The following FSTL5 variants were observed in gnomAD, a reference collection of about 807,000 sequenced individuals.
FSTL5 encodes follistatin-related protein 5.
Under a neutral mutation model 89.1 loss-of-function variants are expected in FSTL5, and 62 were observed. The ratio of observed to expected loss-of-function variants is 0.70; its 90% CI spans 0.57 to 0.86. FSTL5 has a LOEUF of 0.86. FSTL5 is among the 40% of genes least tolerant of loss of function. FSTL5 has a pLI of 0.00. For synonymous variants in FSTL5, 383 were observed against 346.2 expected, an observed-to-expected ratio of 1.11 and a Z score of -1.18; for missense variants, 1,057 against 1,001.6, an observed-to-expected ratio of 1.06 and a Z score of -0.75.
chr4:162,146,459 T>C (rs1323022947), intron 1 of FSTL5, among the ~76,000 whole-genome samples: 1 of 142,088 alleles, frequency 7.0e-6, no homozygotes, highest in Non-Finnish European at 1.6e-5. Flanking sequence ...TTAAATTTTA[T>C]AATAGGCTTT....
At chr4:161,775,186 T>C (rs1189065252) in intron 5 of FSTL5, among the ~76,000 whole-genome samples, 1 of 152,094 alleles carries the variant, frequency 6.6e-6, no homozygotes. Flanking sequence ...CAAACCTATA[T>C]TCACTGTTAA....
intron 10 of FSTL5, among the ~76,000 whole-genome samples, chr4:161,530,817 A>G (rs536881936): frequency 2.8e-4 from 43 of 152,258 alleles, no homozygotes; most frequent in African/African-American, 1.0e-3. Flanking sequence ...GTAGAAGCCT[A>G]TGTTCACATC....
intron 4 of FSTL5, among the ~76,000 whole-genome samples, chr4:161,836,140 TCATGTCCTTTGTAGGGA>T (rs1470033049): frequency 9.9e-5 from 15 of 151,970 alleles, no homozygotes; most frequent in Admixed American, 9.8e-4. Context: ...AATGATGAGC[TCATGTCCTTTGTAGGGA>T]CATGGATGAA....
chr4:161,811,239 G>A (rs1379127118), intron 4 of FSTL5, among the ~76,000 whole-genome samples: 1 of 152,072 alleles, frequency 6.6e-6, no homozygotes, highest in Non-Finnish European at 1.5e-5. Flanking sequence ...AACAACCAGA[G>A]TGCCAAAGGA....
rs751057349 is a variant in FSTL5, at chr4:161,475,171, A to T, written c.1608+5849T>A. Among the ~76,000 whole-genome samples the T allele has an allele frequency of 2.2e-4, 33 of 152,134 alleles. 1 individual carries two copies. Among genetic ancestry groups the T allele is most frequent in the Middle Eastern group, 3.4e-3 (1 of 294 alleles). On this transcript the variant is annotated intron_variant, in intron 13 of 15. Coordinates refer to ENST00000306100, the MANE Select transcript of FSTL5 (RefSeq NM_020116.5). ...GAGTTGTTTCCCTCTTGCTGCTTTCATAATTCTTTCTTTGGCTTTGGCTTT... is the reference window on the plus strand; with the variant it reads ...GAGTTGTTTCCCTCTTGCTGCTTTCTTAATTCTTTCTTTGGCTTTGGCTTT...
At chr4:161,953,569 T>A (rs1734954306) in intron 3 of FSTL5, among the ~76,000 whole-genome samples, 1 of 151,720 alleles carries the variant, frequency 6.6e-6, no homozygotes, top group African/African-American at 2.4e-5. Context: ...ACACATTTCA[T>A]AGAATTTGCA....
intron 8 of FSTL5, among the ~76,000 whole-genome samples, chr4:161,552,961 G>A (rs1732266571): frequency 6.6e-6 from 1 of 151,480 alleles, no homozygotes; most frequent in Non-Finnish European, 1.5e-5. Context: ...CTATAAACTT[G>A]TCTTTTTCTT....
intron 2 of FSTL5, among the ~76,000 whole-genome samples, chr4:162,034,374 C>T (rs1443920436): frequency 6.6e-6 from 1 of 152,034 alleles, no homozygotes; most frequent in Non-Finnish European, 1.5e-5. Flanking sequence ...GAGAATTTTA[C>T]TAAGAAAACA....
At chr4:161,602,172 A>AG (rs1305451286) in intron 7 of FSTL5, among the ~76,000 whole-genome samples, 1 of 151,794 alleles carries the variant, frequency 6.6e-6, no homozygotes, top group East Asian at 1.9e-4. Flanking sequence ...AGACACACAC[A>AG]GAAAAAAAAA....
chr4:161,684,515 A>G (rs1272095165), intron 6 of FSTL5, among the ~76,000 whole-genome samples: 1 of 152,148 alleles, frequency 6.6e-6, no homozygotes, highest in African/African-American at 2.4e-5. Flanking sequence ...TTCCCTGATC[A>G]TTAGTGATGT....
At chr4:162,013,801 T>C (rs1482659849) in intron 3 of FSTL5, among the ~76,000 whole-genome samples, 6 of 152,112 alleles carry the variant, frequency 3.9e-5, no homozygotes, top group Non-Finnish European at 8.8e-5. Flanking sequence ...TGGTGACTTT[T>C]TTTTTTTTAC....
At chr4:161,982,598 A>C (rs960909969) in intron 3 of FSTL5, among the ~76,000 whole-genome samples, 3 of 152,236 alleles carry the variant, frequency 2.0e-5, no homozygotes, top group African/African-American at 7.2e-5. Context: ...GAAATGATCT[A>C]ATACATATAA....
intron 15 of FSTL5, among the ~76,000 whole-genome samples, chr4:161,401,897 G>A (rs1451753586): frequency 6.6e-6 from 1 of 152,048 alleles, no homozygotes. Context: ...TTATATTGCT[G>A]TTACATGTTT....
At chr4:162,056,460 A>C (rs1370255168) in intron 2 of FSTL5, among the ~76,000 whole-genome samples, 1 of 151,276 alleles carries the variant, frequency 6.6e-6, no homozygotes, top group Non-Finnish European at 1.5e-5. Flanking sequence ...ACTTGAAAAA[A>C]TGTATAAGAA....
At chr4:162,017,448 C>T (rs1201618328) in intron 3 of FSTL5, among the ~76,000 whole-genome samples, 1 of 152,084 alleles carries the variant, frequency 6.6e-6, no homozygotes, top group South Asian at 2.1e-4. Flanking sequence ...TATCTGGTAC[C>T]TATGAGATGA....
At chr4:161,981,679 A>G (rs181409172) in intron 3 of FSTL5, among the ~76,000 whole-genome samples, 234 of 152,336 alleles carry the variant, frequency 1.5e-3, no homozygotes, top group African/African-American at 4.3e-3. Context: ...AAATGTAGGT[A>G]CTTTTTAAAT....
In FSTL5 at chr4:161,900,870, A is replaced by G. The variant is rs565134507; in HGVS notation, c.409+19534T>C. 7.2e-5 allele frequency among the ~76,000 whole-genome samples: 11 copies of G among 152,184 alleles called. 1 individual carries two copies. The East Asian group carries it at 1.9e-3, about 27-fold the overall frequency. ...TTACGCTTATTACCAAGATTATTAC[A>G]ATAGTTAAACATGTTTAATAATGTA... On this transcript the variant is annotated intron_variant, in intron 4 of 15. Transcript: ENST00000306100.
At chr4:161,889,330 AT>A (rs1164188816) in intron 4 of FSTL5, among the ~76,000 whole-genome samples, 2 of 152,246 alleles carry the variant, frequency 1.3e-5, no homozygotes, top group East Asian at 3.9e-4. Context: ...ATCCATGTTT[AT>A]CCTTGAACAG....
At chr4:162,038,628 T>C (rs530010574) in intron 2 of FSTL5, among the ~76,000 whole-genome samples, 2 of 151,816 alleles carry the variant, frequency 1.3e-5, no homozygotes, top group Non-Finnish European at 3.0e-5. Context: ...GTGACCACAC[T>C]AGGAGATATT....
Sources: allele counts gnomAD v4.1 joint callset (sites outside exome capture counted in the v4.1 genomes callset), GRCh38; gene constraint gnomAD v4.1.1; transcripts MANE v1.5; gene names NCBI Gene and HGNC (gene_info 2026-07-23, HGNC 2026-07-21).